The following NOS2 variants were observed in gnomAD, a reference collection of about 807,000 sequenced individuals.
NOS2 encodes nitric oxide synthase, inducible.
A neutral mutation model predicts 136.0 loss-of-function variants in NOS2; 96 were observed. The observed-to-expected ratio is 0.71, with a 90% CI of 0.60 to 0.84. The LOEUF (loss-of-function observed/expected upper bound fraction) is 0.84. NOS2 is among the 40% of genes least tolerant of loss of function. NOS2 has a pLI of 0.00. For synonymous variants in NOS2, 539 were observed against 587.5 expected (o/e 0.92, Z 1.20); for missense variants, 1,237 against 1,496.9 (o/e 0.83, Z 2.87).
intron 11 of NOS2, 62 bp from the exon 12 acceptor site, chr17:27,774,513 T>G (rs1374507121): frequency 7.6e-7 from 1 of 1,307,838 alleles, no homozygotes. Flanking sequence ...GAGGGGCCGG[T>G]TGGCCGCAGG....
chr17:27,789,881 C>T (rs544348727), intron 2 of NOS2, among the ~76,000 whole-genome samples, 193 bp from the exon 3 acceptor site: 15 of 152,306 alleles, frequency 9.8e-5, no homozygotes, highest in South Asian at 8.3e-4. Flanking sequence ...TTCTTCCTCC[C>T]GCAGAGCCAA....
intron 20 of NOS2, among the ~76,000 whole-genome samples, chr17:27,765,232 C>T (rs540351448): frequency 6.6e-6 from 1 of 152,232 alleles, no homozygotes; most frequent in East Asian, 1.9e-4. Context: ...AAGTGATCCA[C>T]CCACCACGGC....
rs545586443 is a variant in NOS2 at position 27,785,890 on chromosome 17, C to T, written c.467+1788G>A. On this transcript the variant is annotated intron_variant, in intron 5 of 26. Transcript: ENST00000313735. ...GGGAGGATTACTTGATCCAGGAGAT[C>T]GAGGCTGCAGTGAGCAGAGATTGTG... Among the ~76,000 whole-genome samples the T allele has an allele frequency of 5.0e-5, 7 of 139,832 alleles. No individual in the cohort carries two copies. In the East Asian group the frequency reaches 6.3e-4, roughly 13 times the overall value. 91.7% of individuals were successfully genotyped at this position (139,832 alleles called of 152,430 possible). A position where few individuals can be genotyped will look rare whatever the true frequency, so the allele number is the denominator to read the frequency against.
chr17:27,782,079 C>T lies in NOS2; in HGVS notation c.658G>A (p.Ala220Thr). ...QVFDARSCSTAREMFEHICRH... is the reference protein window; with the variant it reads ...QVFDARSCSTTREMFEHICRH... The stretch of plus-strand genomic sequence containing the variant: ...CAGATGTGTTCAAACATTTCCCGGG[C>T]AGTGGAACAGCTGCGGGCATCGAAG... Residue 220 changes from alanine to threonine, a missense_variant, in exon 7 of 27, where the codon GCC (alanine) becomes ACC (threonine). Around this residue, in one of 3 missense-constraint regions of NOS2, gnomAD observed 440 missense variants for 545.4 expected, o/e 0.81. Transcript: ENST00000313735. 1 of 1,614,136 alleles carries T rather than the reference C, an allele frequency of 6.2e-7. No individual in the cohort carries two copies.
intron 20 of NOS2, among the ~76,000 whole-genome samples, chr17:27,765,235 A>G (rs944723): frequency 0.68 from 103,610 of 152,124 alleles, 35,896 homozygotes; most frequent in South Asian, 0.83. Context: ...TGATCCACCC[A>G]CCACGGCCTC....
chr17:27,780,743 C>T, intron 9 of NOS2, 24 bp downstream of exon 9: 1 of 1,614,168 alleles, frequency 6.2e-7, no homozygotes, highest in Non-Finnish European at 8.5e-7. Flanking sequence ...TCGCCCTTGC[C>T]CCCAGCACCC....
chr17:27,760,947 G>C (rs1227310094), intron 23 of NOS2, among the ~76,000 whole-genome samples, 197 bp downstream of exon 23: 1 of 152,146 alleles, frequency 6.6e-6, no homozygotes, highest in African/African-American at 2.4e-5. Flanking sequence ...TCTGTAAAAG[G>C]GCCAAGCTCA....
chr17:27,765,834 C>T (rs1597545608), intron 19 of NOS2, 118 bp from the exon 20 acceptor site: 7 of 1,118,640 alleles, frequency 6.3e-6, no homozygotes, highest in Non-Finnish European at 8.8e-6. Flanking sequence ...GCTGGTTCCA[C>T]AAGCTAGGCC....
chr17:27,800,483 A>G lies in NOS2; in HGVS notation c.-218T>C, dbSNP rs1909494370. ...AGATTTTAAAGCAGGAATGAGGCTG[A>G]GTTCTCTGCGGCCGGAGCCTCAGTT... On this transcript the variant is annotated 5_prime_UTR_variant, in exon 1 of 27. Coordinates refer to ENST00000313735, the MANE Select transcript of NOS2 (RefSeq NM_000625.4). 6.6e-6 allele frequency: 1 copy of G among 152,178 alleles called. No homozygotes were observed. Among genetic ancestry groups the G allele is most frequent in the East Asian group, 1.9e-4 (1 of 5,170 alleles). The allele number at this position is 152,178 out of a possible 1,614,324, so 9.4% of individuals were successfully genotyped here. A position where few individuals can be genotyped will look rare whatever the true frequency, so the allele number is the denominator to read the frequency against.
chr17:27,796,996 G>A (rs1477080379), intron 2 of NOS2, among the ~76,000 whole-genome samples: 1 of 152,134 alleles, frequency 6.6e-6, no homozygotes, highest in Admixed American at 6.5e-5. Context: ...GCTCCCTACT[G>A]CCAGGGAGAG....
intron 2 of NOS2, chr17:27,793,702 C>T (rs1195155714): frequency 1.8e-5 from 7 of 394,880 alleles, no homozygotes; most frequent in South Asian, 2.6e-4. Flanking sequence ...CATGGCCCGG[C>T]TCCTTAGGCG....
In NOS2 at chr17:27,760,941, T is replaced by A. The variant is rs2255929; in HGVS notation, c.2889-197A>T. On this transcript the variant is annotated intron_variant, in intron 23 of 26. Transcript: ENST00000313735. ...CCAGCACCTCCCCCAGGTCCTTCTG[T>A]AAAAGGGCCAAGCTCACTGGACTCT... is the stretch of plus-strand genomic sequence containing the variant. 0.5 allele frequency among the ~76,000 whole-genome samples: 75,333 copies of A among 151,908 alleles called. 19,184 individuals carry two copies. The highest frequency in any genetic ancestry group is 0.64 in the East Asian group (3,288 of 5,156).
chr17:27,757,938 G>C (rs1048190669), intron 26 of NOS2, among the ~76,000 whole-genome samples: 11 of 152,120 alleles, frequency 7.2e-5, no homozygotes, highest in African/African-American at 2.7e-4. Flanking sequence ...GTTTCCTTCA[G>C]TATCCACAGG....
chr17:27,769,720 G>T, intron 15 of NOS2, 136 bp from the exon 16 acceptor site: 2 of 728,996 alleles, frequency 2.7e-6, no homozygotes, highest in Admixed American at 2.1e-5. Context: ...TACATATGGG[G>T]CTACCTGGCC....
At chr17:27,773,637 G>A (rs907821436) in intron 12 of NOS2, among the ~76,000 whole-genome samples, 4 of 152,114 alleles carry the variant, frequency 2.6e-5, no homozygotes, top group Admixed American at 6.5e-5. Flanking sequence ...AGGACATGCC[G>A]TCACCCTGCA....
At chr17:27,785,872 T>G (rs1909004548) in intron 5 of NOS2, among the ~76,000 whole-genome samples, 1 of 148,266 alleles carries the variant, frequency 6.7e-6, no homozygotes, top group African/African-American at 2.5e-5. Flanking sequence ...GGTGGGAGGA[T>G]TACTTGATCC....
intron 7 of NOS2, among the ~76,000 whole-genome samples, chr17:27,781,713 T>C (rs1007894208): frequency 1.3e-5 from 2 of 152,194 alleles, no homozygotes; most frequent in Admixed American, 6.5e-5. Context: ...CCATGCCTTC[T>C]AAAAAATGGG....
At chr17:27,781,238 G>T in intron 7 of NOS2, 61 bp from the exon 8 acceptor site, 3 of 1,537,282 alleles carry the variant, frequency 2.0e-6, no homozygotes, top group Non-Finnish European at 2.6e-6. Flanking sequence ...CAGCCATCCT[G>T]CACTGGCCCT....
rs541030827 is a variant in NOS2 at position 27,787,381 on chromosome 17, T to C, written c.467+297A>G. On this transcript the variant is annotated intron_variant, in intron 5 of 26. Transcript: ENST00000313735. ...TTATATTAGGTTGGTGCAAAAGTAG[T>C]TGCAGTTTTTGCCATTAATATGATG... Among the ~76,000 whole-genome samples, 3 of 152,368 alleles carry C rather than the reference T, an allele frequency of 2.0e-5. No individual in the cohort carries two copies. In the South Asian group the frequency reaches 6.2e-4, roughly 32 times the overall value.
Sources: allele counts gnomAD v4.1 joint callset (sites outside exome capture counted in the v4.1 genomes callset), GRCh38; gene constraint gnomAD v4.1.1; regional missense constraint gnomAD v4.1.1; transcripts MANE v1.5; gene names NCBI Gene and HGNC (gene_info 2026-07-23, HGNC 2026-07-21).